The following ITGA6 variants were observed in gnomAD, a reference collection of about 807,000 sequenced individuals.
The protein encoded by ITGA6 is integrin subunit alpha 6, also known as integrin alpha-6.
ITGA6 carries 63 observed loss-of-function variants against 133.6 expected under a neutral mutation model. The observed-to-expected ratio is 0.47, with a 90% CI of 0.38 to 0.58. ITGA6 has a LOEUF of 0.58. Among genes scored for constraint, ITGA6 ranks in the 20% least tolerant of loss-of-function variants. ITGA6 has a pLI of 0.00. For missense variants in ITGA6, 1,068 were observed against 1,309.4 expected, an observed-to-expected ratio of 0.82 and a Z score of 2.85; for synonymous variants, 434 against 482.0, an observed-to-expected ratio of 0.90 and a Z score of 1.30.
chr2:172,442,174 G>A (rs553215430), intron 1 of ITGA6, among the ~76,000 whole-genome samples: 3 of 152,212 alleles, frequency 2.0e-5, no homozygotes, highest in Admixed American at 1.3e-4. Context: ...CCTGGTTACC[G>A]CCACACCCCT....
At chr2:172,428,930 A>G (rs1045531889) in intron 1 of ITGA6, among the ~76,000 whole-genome samples, 2 of 152,200 alleles carry the variant, frequency 1.3e-5, no homozygotes, top group Non-Finnish European at 2.9e-5. Context: ...ATGGGGTTGC[A>G]TTCTTCATCT....
At chr2:172,478,978 C>T (rs529251033) in intron 9 of ITGA6, among the ~76,000 whole-genome samples, 2 of 152,242 alleles carry the variant, frequency 1.3e-5, no homozygotes, top group South Asian at 2.1e-4. Context: ...CAAGACTACT[C>T]GTAATTAAAA....
intron 1 of ITGA6, among the ~76,000 whole-genome samples, chr2:172,430,134 A>T (rs1461715377): frequency 6.6e-6 from 1 of 152,170 alleles, no homozygotes; most frequent in African/African-American, 2.4e-5. Flanking sequence ...TTTGAGCTTT[A>T]ATTTCTTTAT....
At chr2:172,428,119 G>T (rs1308713430) in intron 1 of ITGA6, 149 bp downstream of exon 1, 3 of 656,606 alleles carry the variant, frequency 4.6e-6, no homozygotes, top group Non-Finnish European at 4.2e-6. Context: ...CGCCCAGCGC[G>T]CTCGGCTCCC....
rs1559133279 is a variant in ITGA6 at position 172,465,624 on chromosome 2, G to A, written c.268G>A (p.Ala90Thr). 24 of 1,614,094 alleles carry A rather than the reference G, an allele frequency of 1.5e-5. No individual in the cohort carries two copies. Among genetic ancestry groups the A allele is most frequent in the Non-Finnish European group, 1.9e-5 (23 of 1,180,036 alleles). Residue 90 changes from alanine to threonine, a missense_variant, in exon 2 of 26, where the codon GCC (alanine) becomes ACC (threonine). Transcript: ENST00000684293. Reference sequence around the variant, plus strand: ...AGGGCTGTACAGCTGCGACATCACCGCCCGGGGGCCATGCACGCGGATCGA... The same window carrying A: ...AGGGCTGTACAGCTGCGACATCACCACCCGGGGGCCATGCACGCGGATCGA... ...TGGLYSCDITARGPCTRIEFD... is the reference protein window; with the variant it reads ...TGGLYSCDITTRGPCTRIEFD...
At chr2:172,477,409 A>C (rs1686225072) in intron 9 of ITGA6, among the ~76,000 whole-genome samples, 1 of 152,180 alleles carries the variant, frequency 6.6e-6, no homozygotes, top group African/African-American at 2.4e-5. Flanking sequence ...TAAAGTTAAT[A>C]ATATAGAATT....
chr2:172,440,557 A>G (rs761289320), intron 1 of ITGA6, among the ~76,000 whole-genome samples: 9 of 152,206 alleles, frequency 5.9e-5, no homozygotes, highest in African/African-American at 7.2e-5. Flanking sequence ...TCAATATATG[A>G]TTGTGCTGTA....
chr2:172,443,229 A>G (rs971767792), intron 1 of ITGA6, among the ~76,000 whole-genome samples: 1 of 152,122 alleles, frequency 6.6e-6, no homozygotes, highest in Non-Finnish European at 1.5e-5. Flanking sequence ...GTATGTTTTA[A>G]TGCCTGTTCA....
chr2:172,469,431 A>G (rs774707654), intron 4 of ITGA6, 51 bp downstream of exon 4: 1 of 1,551,278 alleles, frequency 6.4e-7, no homozygotes, highest in East Asian at 2.2e-5. Context: ...TAATTTCTGT[A>G]ATATGATTTA....
rs1429678334 is a variant in ITGA6, at chr2:172,493,264, G to T, written c.2988+1741G>T. On this transcript the variant is annotated intron_variant, in intron 23 of 25. Transcript: ENST00000684293. ...ACTGGGCAAGCTGCTGCGATAAGTG[G>T]TATCAACCAGCACTGTCCCGGTCTC... Among the ~76,000 whole-genome samples, 4 of 152,000 alleles carry T rather than the reference G, an allele frequency of 2.6e-5. No homozygotes were observed. The East Asian group carries it at 5.8e-4, about 22-fold the overall frequency.
At chr2:172,480,368 T>G (rs1226994176) in intron 11 of ITGA6, among the ~76,000 whole-genome samples, 3 of 152,150 alleles carry the variant, frequency 2.0e-5, no homozygotes. Context: ...AAAATTGATT[T>G]TGTGGTTGTG....
intron 1 of ITGA6, among the ~76,000 whole-genome samples, chr2:172,456,595 C>A (rs1197588620): frequency 2.0e-5 from 3 of 152,180 alleles, no homozygotes; most frequent in Non-Finnish European, 4.4e-5. Context: ...GAAGCGTTAA[C>A]CATTCCATTG....
In ITGA6 at chr2:172,465,656, T is replaced by TA. The variant is rs1230157343; in HGVS notation, c.302dup (p.Asn101LysfsTer4). The TA allele has an allele frequency of 6.2e-7, 1 of 1,614,090 alleles. No homozygotes were observed. Among genetic ancestry groups the TA allele is most frequent in the Non-Finnish European group, 8.5e-7 (1 of 1,180,022 alleles). ...GGCCATGCACGCGGATCGAGTTTGA[T>TA]AACGATGGTGCGTTCCTTTCCCTCA... On this transcript the variant is annotated frameshift_variant, in exon 2 of 26. Coordinates refer to ENST00000684293, the MANE Select transcript of ITGA6 (RefSeq NM_000210.4). LOFTEE classifies it high-confidence loss of function.
intron 2 of ITGA6, chr2:172,466,160 C>G (rs1038865618): frequency 4.8e-6 from 1 of 210,274 alleles, no homozygotes; most frequent in African/African-American, 2.3e-5. Flanking sequence ...GTAGAAGATA[C>G]CATGAGGTAG....
intron 11 of ITGA6, among the ~76,000 whole-genome samples, chr2:172,483,773 A>G (rs1484927663): frequency 1.3e-5 from 2 of 151,896 alleles, no homozygotes; most frequent in Non-Finnish European, 2.9e-5. Context: ...CCCTCCATCC[A>G]CTCAAAAATA....
intron 1 of ITGA6, among the ~76,000 whole-genome samples, chr2:172,431,905 T>C (rs1044504697): frequency 1.3e-5 from 2 of 152,258 alleles, no homozygotes; most frequent in Non-Finnish European, 2.9e-5. Flanking sequence ...GATAAATGCT[T>C]ATATAAAAGG....
chr2:172,444,269 T>C (rs1289893140), intron 1 of ITGA6, among the ~76,000 whole-genome samples: 1 of 152,198 alleles, frequency 6.6e-6, no homozygotes. Context: ...AGATGTAAGC[T>C]TTCTGGAGGT....
At chr2:172,431,453 A>G (rs970001497) in intron 1 of ITGA6, among the ~76,000 whole-genome samples, 1 of 152,180 alleles carries the variant, frequency 6.6e-6, no homozygotes, top group Admixed American at 6.5e-5. Context: ...AGGGCTATCT[A>G]TTTAAATATT....
At chr2:172,504,069 T>C in intron 25 of ITGA6, 22 bp from the exon 26 acceptor site, 1 of 1,542,646 alleles carries the variant, frequency 6.5e-7, no homozygotes, top group Non-Finnish European at 8.7e-7. Context: ...TTTGTTTCTC[T>C]TTCTCTTTCC....
Sources: gnomAD v4.1 joint callset for allele counts (sites outside exome capture counted in the v4.1 genomes callset) on GRCh38, gnomAD v4.1.1 for gene constraint, MANE v1.5 for transcripts, NCBI Gene and HGNC (gene_info 2026-07-23, HGNC 2026-07-21) for gene names.